The following PTPRO variants were observed in gnomAD, a reference collection of about 807,000 sequenced individuals.
The protein encoded by PTPRO is receptor-type tyrosine-protein phosphatase O.
Under a neutral mutation model 145.2 loss-of-function variants are expected in PTPRO, and 62 were observed. That is an observed-to-expected ratio of 0.43 (90% CI 0.35 to 0.53). PTPRO has a LOEUF of 0.53. Among genes scored for constraint, PTPRO ranks in the 20% least tolerant of loss-of-function variants. The pLI is 0.01. For synonymous variants in PTPRO, 565 were observed against 514.7 expected (o/e 1.10, Z -1.32); for missense variants, 1,345 against 1,482.7 (o/e 0.91, Z 1.53).
At chr12:15,401,032 A>G (rs187738318) in intron 1 of PTPRO, among the ~76,000 whole-genome samples, 14 of 152,260 alleles carry the variant, frequency 9.2e-5, no homozygotes, top group Admixed American at 3.3e-4. Context: ...GTCATTCTAT[A>G]TGCCCATCAG....
intron 1 of PTPRO, among the ~76,000 whole-genome samples, chr12:15,375,109 T>C (rs1197456035): frequency 6.6e-6 from 1 of 152,222 alleles, no homozygotes; most frequent in Non-Finnish European, 1.5e-5. Context: ...CTTCAGTTGT[T>C]GCCCAATAGA....
chr12:15,432,025 G>A (rs1443811273), intron 1 of PTPRO, among the ~76,000 whole-genome samples: 1 of 152,042 alleles, frequency 6.6e-6, no homozygotes, highest in Non-Finnish European at 1.5e-5. Flanking sequence ...TAAGTTTAGG[G>A]GTATGTGTGC....
intron 15 of PTPRO, among the ~76,000 whole-genome samples, chr12:15,552,820 GAC>G (rs1943504081): frequency 3.0e-5 from 1 of 33,276 alleles, no homozygotes; most frequent in African/African-American, 9.0e-5. Context: ...TTTTTTTTGA[GAC>G]AGAGTCTCAC....
At chr12:15,401,625 C>T (rs1055580590) in intron 1 of PTPRO, among the ~76,000 whole-genome samples, 2 of 152,146 alleles carry the variant, frequency 1.3e-5, no homozygotes, top group African/African-American at 4.8e-5. Context: ...AGACATCCTA[C>T]AGACAAATAA....
intron 1 of PTPRO, among the ~76,000 whole-genome samples, chr12:15,395,790 A>G (rs1245360078): frequency 6.8e-6 from 1 of 146,570 alleles, no homozygotes; most frequent in Non-Finnish European, 1.5e-5. Context: ...AATATATGAC[A>G]GCACTGGACA....
intron 1 of PTPRO, among the ~76,000 whole-genome samples, chr12:15,482,086 G>T (rs926916586): frequency 6.6e-6 from 1 of 151,924 alleles, no homozygotes; most frequent in Non-Finnish European, 1.5e-5. Flanking sequence ...CTTCACAGGA[G>T]GCAAGATACA....
At chr12:15,474,273 C>A (rs1941606451) in intron 1 of PTPRO, among the ~76,000 whole-genome samples, 1 of 152,072 alleles carries the variant, frequency 6.6e-6, no homozygotes, top group Non-Finnish European at 1.5e-5. Flanking sequence ...TTGTCCTTGC[C>A]CCGCAGCCCA....
intron 23 of PTPRO, among the ~76,000 whole-genome samples, chr12:15,583,353 C>G (rs1270218319): frequency 6.6e-6 from 1 of 151,870 alleles, no homozygotes; most frequent in East Asian, 1.9e-4. Context: ...GTGGTACACA[C>G]CTGTAGTCCC....
intron 1 of PTPRO, among the ~76,000 whole-genome samples, chr12:15,467,923 A>G (rs1052827281): frequency 2.6e-5 from 4 of 152,158 alleles, no homozygotes; most frequent in East Asian, 1.9e-4. Context: ...GAACTCCCCA[A>G]TGGTGCATTA....
At position 15,420,589 on chromosome 12, in the gene PTPRO, G is replaced by A. The variant is rs77082555; in HGVS notation, c.76-63385G>A. Among the ~76,000 whole-genome samples, 765 of 150,000 alleles carry A rather than the reference G, an allele frequency of 5.1e-3. 4 individuals are homozygous for A. Among genetic ancestry groups the A allele is most frequent in the Non-Finnish European group, 7.3e-3 (498 of 68,008 alleles). ...CTTAAGCTTAAGTCCTCTTATTTTT[G>A]CAGTGATTAGACGAAATACTATATG... On this transcript the variant is annotated intron_variant, in intron 1 of 26. Coordinates refer to ENST00000281171, the MANE Select transcript of PTPRO (RefSeq NM_030667.3).
chr12:15,412,765 G>A (rs773412653), intron 1 of PTPRO, among the ~76,000 whole-genome samples: 1 of 152,082 alleles, frequency 6.6e-6, no homozygotes, highest in Non-Finnish European at 1.5e-5. Flanking sequence ...AGTGTATAGA[G>A]GCTTTTTGTT....
chr12:15,524,685 T>A (rs530068649), intron 10 of PTPRO, 129 bp from the exon 11 acceptor site: 1 of 984,016 alleles, frequency 1.0e-6, no homozygotes, highest in African/African-American at 1.6e-5. Context: ...GTCCTGAAGT[T>A]ACCGGGACTA....
At position 15,441,025 on chromosome 12, in the gene PTPRO, C is replaced by T. The variant is rs114189602; in HGVS notation, c.76-42949C>T. Among the ~76,000 whole-genome samples, 356 of 152,270 alleles carry T rather than the reference C, an allele frequency of 2.3e-3. 1 individual carries two copies. The highest frequency in any genetic ancestry group is 8.1e-3 in the African/African-American group (338 of 41,550). On this transcript the variant is annotated intron_variant, in intron 1 of 26. Transcript: ENST00000281171. ...TTGACCAACTAGACCTAATGAAGGT[C>T]TAGAAAACACTCAACCCACAAACCA...
intron 7 of PTPRO, among the ~76,000 whole-genome samples, chr12:15,513,925 A>G (rs754659887): frequency 2.0e-5 from 3 of 152,238 alleles, no homozygotes; most frequent in Non-Finnish European, 4.4e-5. Context: ...AATAATGAGT[A>G]GAGTCAGGAT....
intron 3 of PTPRO, 128 bp downstream of exon 3, chr12:15,497,531 A>C: frequency 3.0e-6 from 3 of 1,016,754 alleles, no homozygotes; most frequent in South Asian, 1.4e-5. Flanking sequence ...TGAGCCATTA[A>C]AAATAATTAT....
At chr12:15,583,125 A>G (rs1944355821) in intron 23 of PTPRO, among the ~76,000 whole-genome samples, 2 of 152,178 alleles carry the variant, frequency 1.3e-5, no homozygotes, top group South Asian at 4.1e-4. Context: ...TGTGGACCAA[A>G]TTTACCCACT....
chr12:15,545,364 T>C (rs1943261012), intron 12 of PTPRO, among the ~76,000 whole-genome samples: 1 of 151,478 alleles, frequency 6.6e-6, no homozygotes, highest in South Asian at 2.1e-4. Flanking sequence ...ATAAGCAATG[T>C]CAGGGGGTCT....
At chr12:15,593,115 G>T (rs1336335239) in intron 25 of PTPRO, among the ~76,000 whole-genome samples, 1 of 152,152 alleles carries the variant, frequency 6.6e-6, no homozygotes, top group Non-Finnish European at 1.5e-5. Context: ...AGAAGCAATG[G>T]ATTAGGTGTC....
At chr12:15,581,942 A>G in intron 23 of PTPRO, 141 bp downstream of exon 23, 3 of 1,153,548 alleles carry the variant, frequency 2.6e-6, no homozygotes, top group East Asian at 2.6e-5. Flanking sequence ...GTGGGAAATC[A>G]GGGGTCTCAC....
Sources: allele counts gnomAD v4.1 joint callset (sites outside exome capture counted in the v4.1 genomes callset), GRCh38; gene constraint gnomAD v4.1.1; transcripts MANE v1.5; gene names NCBI Gene and HGNC (gene_info 2026-07-23, HGNC 2026-07-21).